Variants in LYAR observed in about 807,000 individuals in gnomAD.
LYAR encodes Ly1 antibody reactive.
In LYAR, 37 loss-of-function variants were observed where a neutral mutation model predicts 45.2. The ratio of observed to expected loss-of-function variants is 0.82; its 90% CI spans 0.63 to 1.08. The LOEUF (loss-of-function observed/expected upper bound fraction) is 1.08, where lower values mean the gene tolerates loss of function less well. Among genes scored for constraint, LYAR ranks in the 50% least tolerant of loss-of-function variants. LYAR has a pLI of 0.00. For synonymous variants in LYAR, 176 were observed against 155.1 expected, an observed-to-expected ratio of 1.14 and a Z score of -1.00; for missense variants, 493 against 451.0, an observed-to-expected ratio of 1.09 and a Z score of -0.84.
At position 4,275,636 on chromosome 4, in the gene LYAR, G is replaced by A. The variant is rs1719147443; in HGVS notation, c.430-867C>T. ...ATTGTTTATTTTCTGTAGAGACGGG[G>A]TCACCATTCTTTACGTATGGAGGTG... is the stretch of plus-strand genomic sequence containing the variant. On this transcript the variant is annotated intron_variant, in intron 6 of 9. Coordinates refer to ENST00000343470, the MANE Select transcript of LYAR (RefSeq NM_017816.3). Among the ~76,000 whole-genome samples, 3 of 152,112 alleles carry A rather than the reference G, an allele frequency of 2.0e-5. No homozygotes were observed. In the South Asian group the frequency reaches 6.2e-4, roughly 32 times the overall value.
In LYAR at chr4:4,267,933, G is replaced by A; in HGVS notation, c.1096C>T (p.Pro366Ser). 1.2e-6 allele frequency: 2 copies of A among 1,612,936 alleles called. No individual in the cohort carries two copies. Among genetic ancestry groups the A allele is most frequent in the Non-Finnish European group, 1.7e-6 (2 of 1,179,546 alleles). ...TTGTCCTTTAATAACTTAAAGGTAG[G>A]GTTCTTGCTGATTTTCTTGTTAAAG... ...VIFNKKISKN[P>S]TFKLLKDKVK... The change falls in exon 10 of 10, where the codon CCT becomes TCT. Residue 366 changes from proline to serine, a missense_variant. Transcript: ENST00000343470.
chr4:4,279,788 C>T (rs201365623), intron 4 of LYAR, 39 bp from the exon 5 acceptor site: 330 of 1,325,322 alleles, frequency 2.5e-4, no homozygotes, highest in Non-Finnish European at 3.3e-4. Context: ...TATTAATAAA[C>T]AACCAACATG....
intron 1 of LYAR, 136 bp downstream of exon 1, chr4:4,289,900 G>C (rs1437981887): frequency 1.3e-5 from 2 of 152,264 alleles, no homozygotes; most frequent in African/African-American, 4.8e-5. Flanking sequence ...CTTCCCCAGA[G>C]CAGGAGTGAG....
At chr4:4,276,639 C>T (rs1298037487) in intron 6 of LYAR, among the ~76,000 whole-genome samples, 2 of 151,842 alleles carry the variant, frequency 1.3e-5, no homozygotes, top group Non-Finnish European at 2.9e-5. Context: ...GGGAGATCAC[C>T]TGAGGTCAGG....
In LYAR at chr4:4,281,832, T is replaced by G. The variant is rs759378784; in HGVS notation, c.188A>C (p.Tyr63Ser). ...GTCGCCTTTGTGGGTTTTACCTTCA[T>G]AGCCTTTGCCACCATACTTCTGATC... ...SEDQKYGGKGYEGKTHKGDIK... is the reference protein window; with the variant it reads ...SEDQKYGGKGSEGKTHKGDIK... Residue 63 changes from tyrosine to serine, a missense_variant, in exon 4 of 10, where the codon TAT (tyrosine) becomes TCT (serine). Coordinates refer to ENST00000343470, the MANE Select transcript of LYAR (RefSeq NM_017816.3). 1.1e-5 allele frequency: 17 copies of G among 1,614,118 alleles called. No homozygotes were observed. Among genetic ancestry groups the G allele is most frequent in the Non-Finnish European group, 1.4e-5 (16 of 1,180,040 alleles).
intron 8 of LYAR, among the ~76,000 whole-genome samples, chr4:4,271,476 G>T (rs1448094883): frequency 6.6e-6 from 1 of 152,158 alleles, no homozygotes; most frequent in Admixed American, 6.5e-5. Flanking sequence ...AACAAACACG[G>T]GAGTGCAGGT....
At chr4:4,279,279 C>A (rs550693133) in intron 6 of LYAR, among the ~76,000 whole-genome samples, 168 bp downstream of exon 6, 7 of 152,236 alleles carry the variant, frequency 4.6e-5, no homozygotes, top group Admixed American at 6.5e-5. Flanking sequence ...TTGCAGTGAG[C>A]CACGATCGCA....
rs773494053 is a variant in LYAR at position 4,274,633 on chromosome 4, C to G, written c.566G>C (p.Arg189Thr). The part of the protein sequence containing the change: ...EQQGEVKKNK[R>T]ERKEERQKKR... ...CTTCTGCCGTTCTTCCTTTCTTTCTCTTTTATTCTTCTTCACCTCCCCTTG... is the reference window on the plus strand; with the variant it reads ...CTTCTGCCGTTCTTCCTTTCTTTCTGTTTTATTCTTCTTCACCTCCCCTTG... Residue 189 changes from arginine to threonine, a missense_variant, in exon 7 of 10, where the codon AGA (arginine) becomes ACA (threonine). Arg to Thr is a moderately conservative substitution (Grantham distance 71). Transcript: ENST00000343470. 1.9e-6 allele frequency: 3 copies of G among 1,614,008 alleles called. No homozygotes were observed. Among genetic ancestry groups the G allele is most frequent in the Non-Finnish European group, 2.5e-6 (3 of 1,179,996 alleles).
intron 3 of LYAR, 84 bp from the exon 4 acceptor site, chr4:4,281,981 G>A (rs141110282): frequency 1.3e-6 from 1 of 796,672 alleles, no homozygotes; most frequent in East Asian, 2.4e-5. Context: ...TATCTTCTGT[G>A]GTCTACACTG....
chr4:4,287,075 T>C (rs1385929501), intron 1 of LYAR, among the ~76,000 whole-genome samples: 3 of 152,204 alleles, frequency 2.0e-5, no homozygotes, highest in Non-Finnish European at 4.4e-5. Flanking sequence ...GTGACAGATT[T>C]CAACATCTAG....
At position 4,279,642 on chromosome 4, in the gene LYAR, C is replaced by T; in HGVS notation, c.345G>A (p.Gln115=). The T allele has an allele frequency of 6.2e-7, 1 of 1,612,830 alleles. No homozygotes were observed. Among genetic ancestry groups the T allele is most frequent in the Non-Finnish European group, 8.5e-7 (1 of 1,178,940 alleles). ...DNVPRKKAKF[Q]NWMKNSLKVH... Reference sequence around the variant, plus strand: ...TCCATTCAAGAAAGTCAATTCATACCTGAAATTTTGCCTTTTTCCTGGGAA... The same window carrying T: ...TCCATTCAAGAAAGTCAATTCATACTTGAAATTTTGCCTTTTTCCTGGGAA... Residue 115 remains glutamine (Q), a splice_region_variant and synonymous_variant, in exon 5 of 10, where the codon CAG becomes CAA. Transcript: ENST00000343470.
At chr4:4,281,744 T>C (rs766257477) in intron 4 of LYAR, 39 bp downstream of exon 4, 5 of 1,449,680 alleles carry the variant, frequency 3.4e-6, no homozygotes, top group African/African-American at 1.4e-5. Context: ...AAGCGGAAGC[T>C]GTCAGAGGAA....
chr4:4,273,669 A>G lies in LYAR; in HGVS notation c.833T>C (p.Val278Ala), dbSNP rs767211404. ...AGKRKRRHSE[V>A]ETDSKKKKMK... ...CTTTTTCTTCTTAGAATCTGTTTCAACTAAGTATTTGGAAAGATTTTTTTT... is the reference window on the plus strand; with the variant it reads ...CTTTTTCTTCTTAGAATCTGTTTCAGCTAAGTATTTGGAAAGATTTTTTTT... The change falls in exon 8 of 10, where the codon GTT becomes GCT. Residue 278 changes from valine (V) to alanine (A), a missense_variant and splice_region_variant. Coordinates refer to ENST00000343470, the MANE Select transcript of LYAR (RefSeq NM_017816.3). The G allele has an allele frequency of 6.3e-7, 1 of 1,596,156 alleles. No individual in the cohort carries two copies.
chr4:4,288,891 C>G (rs991080170), intron 1 of LYAR, among the ~76,000 whole-genome samples: 7 of 152,234 alleles, frequency 4.6e-5, no homozygotes, highest in Non-Finnish European at 1.0e-4. Flanking sequence ...AGCTGGCAAC[C>G]CCAGGATATC....
At position 4,267,858 on chromosome 4, in the gene LYAR, G is replaced by A. The variant is rs750472933; in HGVS notation, c.*31C>T. 2.6e-6 allele frequency: 4 copies of A among 1,560,250 alleles called. No homozygotes were observed. Among genetic ancestry groups the A allele is most frequent in the Admixed American group, 3.7e-5 (2 of 53,962 alleles). On this transcript the variant is annotated 3_prime_UTR_variant, in exon 10 of 10. Coordinates refer to ENST00000343470, the MANE Select transcript of LYAR (RefSeq NM_017816.3). ...CAGCAGTGAAAGGAAGAAGTCAGCA[G>A]AATGGATTCAATTTTTAAATACACA...
chr4:4,270,735 A>G (rs1162765803), intron 8 of LYAR, among the ~76,000 whole-genome samples: 2 of 152,236 alleles, frequency 1.3e-5, no homozygotes, highest in African/African-American at 4.8e-5. Context: ...AGCGGTTACC[A>G]CACATCTATC....
chr4:4,277,597 C>T (rs1719235857), intron 6 of LYAR, among the ~76,000 whole-genome samples: 1 of 152,234 alleles, frequency 6.6e-6, no homozygotes, highest in South Asian at 2.1e-4. Context: ...TGCCCTGACT[C>T]TTTCCTAATC....
intron 2 of LYAR, among the ~76,000 whole-genome samples, chr4:4,284,897 T>C (rs1719544975): frequency 6.6e-6 from 1 of 152,176 alleles, no homozygotes; most frequent in Non-Finnish European, 1.5e-5. Flanking sequence ...TCCAACAAGC[T>C]TTCAGTACAA....
chr4:4,284,168 G>C (rs1013092486), intron 2 of LYAR, among the ~76,000 whole-genome samples: 1 of 152,176 alleles, frequency 6.6e-6, no homozygotes, highest in Admixed American at 6.5e-5. Context: ...ATTTAAACCT[G>C]GCAGATTGGC....
Sources: gnomAD v4.1 joint callset for allele counts (sites outside exome capture counted in the v4.1 genomes callset) on GRCh38, gnomAD v4.1.1 for gene constraint, MANE v1.5 for transcripts, NCBI Gene and HGNC (gene_info 2026-07-23, HGNC 2026-07-21) for gene names.